RASA3: variants seen among roughly 807,000 people sequenced by gnomAD.
RASA3 encodes the protein ras GTPase-activating protein 3.
Under a neutral mutation model 110.0 loss-of-function variants are expected in RASA3, and 73 were observed. The observed-to-expected ratio is 0.66, with a 90% confidence interval of 0.55 to 0.81. The LOEUF (loss-of-function observed/expected upper bound fraction) is 0.81, where lower values mean the gene tolerates loss of function less well. RASA3 is among the 30% of genes least tolerant of loss of function. RASA3 has a pLI of 0.00. For synonymous variants in RASA3, 500 were observed against 451.4 expected (o/e 1.11, Z -1.37); for missense variants, 976 against 1,113.2 (o/e 0.88, Z 1.75).
At chr13:114,047,734 C>T (rs1264398633) in intron 3 of RASA3, among the ~76,000 whole-genome samples, 1 of 152,216 alleles carries the variant, frequency 6.6e-6, no homozygotes, top group African/African-American at 2.4e-5. Flanking sequence ...CTCACAGCCG[C>T]ACAGCGCGGG....
At chr13:113,996,765 A>G in intron 20 of RASA3, 26 bp from the exon 21 acceptor site, 1 of 1,595,834 alleles carries the variant, frequency 6.3e-7, no homozygotes, top group Non-Finnish European at 8.6e-7. Context: ...GGCTCAGGAC[A>G]GCGCACATGA....
At chr13:114,074,421 G>A (rs537029627) in intron 1 of RASA3, among the ~76,000 whole-genome samples, 5 of 152,352 alleles carry the variant, frequency 3.3e-5, no homozygotes, top group African/African-American at 1.2e-4. Flanking sequence ...ATGTCCTCCA[G>A]GGTGGCCCCT....
rs767911676 is a variant in RASA3 at position 114,016,194 on chromosome 13, T to C, written c.1281+3A>G. 8 of 1,578,714 alleles carry C rather than the reference T, an allele frequency of 5.1e-6. No individual in the cohort carries two copies. In the East Asian group the frequency reaches 6.7e-5, roughly 13 times the overall value. On this transcript the variant is annotated splice_donor_region_variant and intron_variant, in intron 13 of 23. Coordinates refer to ENST00000334062, the MANE Select transcript of RASA3 (RefSeq NM_007368.4). ...CTTTGGTTGGTTCATGAACAAAACC[T>C]ACCATGTTGTTTTCAAGGTTTTCTC...
intron 20 of RASA3, among the ~76,000 whole-genome samples, chr13:113,997,186 A>G (rs542019178): frequency 5.6e-4 from 85 of 152,080 alleles, no homozygotes; most frequent in Non-Finnish European, 9.7e-4. Context: ...TCCTTCCCCA[A>G]CTGACCAGCC....
At position 114,026,016 on chromosome 13, in the gene RASA3, G is replaced by T. The variant is rs139561858; in HGVS notation, c.603+1373C>A. Among the ~76,000 whole-genome samples, 246 of 152,340 alleles carry T rather than the reference G, an allele frequency of 1.6e-3. 2 individuals carry two copies. Among genetic ancestry groups the T allele is most frequent in the African/African-American group, 5.8e-3 (242 of 41,578 alleles). On this transcript the variant is annotated intron_variant, in intron 7 of 23. Coordinates refer to ENST00000334062, the MANE Select transcript of RASA3 (RefSeq NM_007368.4). ...CGCGTCCCACACAGCAGCGGTCAGC[G>T]AGGTCCGGGCCTTCCCTGGAGCCCC...
At position 114,033,815 on chromosome 13, in the gene RASA3, C is replaced by T. The variant is rs143118099; in HGVS notation, c.373-3928G>A. On this transcript the variant is annotated intron_variant, in intron 4 of 23. Coordinates refer to ENST00000334062, the MANE Select transcript of RASA3 (RefSeq NM_007368.4). Reference sequence around the variant, plus strand: ...GTCTGGAGGTTGGGTGTGGCCTTCCCGCCCTGTGGCTGCAGCCCCAGAGCA... The same window carrying T: ...GTCTGGAGGTTGGGTGTGGCCTTCCTGCCCTGTGGCTGCAGCCCCAGAGCA... 2.3e-3 allele frequency among the ~76,000 whole-genome samples: 357 copies of T among 152,354 alleles called. 1 individual carries two copies. Among genetic ancestry groups the T allele is most frequent in the African/African-American group, 8.3e-3 (346 of 41,586 alleles).
chr13:114,013,694 G>C (rs1321632973), intron 14 of RASA3, among the ~76,000 whole-genome samples: 65 of 78,760 alleles, frequency 8.3e-4, no homozygotes, highest in Non-Finnish European at 9.5e-4. Flanking sequence ...CCCTATCTCT[G>C]TCTCTCTCTC....
chr13:113,992,008 CAT>C (rs989589619), intron 22 of RASA3, among the ~76,000 whole-genome samples: 7 of 152,092 alleles, frequency 4.6e-5, no homozygotes, highest in African/African-American at 7.2e-5. Flanking sequence ...CATGCTCACA[CAT>C]GTCCACATTC....
chr13:114,130,952 C>T (rs2080510462), intron 1 of RASA3, among the ~76,000 whole-genome samples: 1 of 152,254 alleles, frequency 6.6e-6, no homozygotes, highest in Non-Finnish European at 1.5e-5. Context: ...CGCGACCTTT[C>T]CCCACCCAGG....
chr13:114,055,822 C>A (rs2079235526), intron 2 of RASA3, among the ~76,000 whole-genome samples: 1 of 151,996 alleles, frequency 6.6e-6, no homozygotes, highest in South Asian at 2.1e-4. Context: ...GCTGTCCTGG[C>A]TGCGGTGCAT....
intron 8 of RASA3, among the ~76,000 whole-genome samples, chr13:114,022,745 G>A (rs2053952595): frequency 1.3e-5 from 2 of 152,206 alleles, no homozygotes; most frequent in South Asian, 4.1e-4. Flanking sequence ...TTTAATAAGG[G>A]AAATATTTAA....
chr13:114,083,405 G>C (rs1594439455), intron 1 of RASA3, among the ~76,000 whole-genome samples: 4 of 152,360 alleles, frequency 2.6e-5, no homozygotes, highest in Middle Eastern at 3.4e-3. Context: ...CAAAGCCAGA[G>C]AGAGGAGAGC....
In RASA3 at chr13:114,117,525, G is replaced by A. The variant is rs1392561545; in HGVS notation, c.55+14910C>T. 3.4e-5 allele frequency among the ~76,000 whole-genome samples: 5 copies of A among 147,414 alleles called. 1 individual carries two copies. The highest frequency in any genetic ancestry group is 4.4e-4 in the South Asian group (2 of 4,552). On this transcript the variant is annotated intron_variant, in intron 1 of 23. Transcript: ENST00000334062. ...TGCACATCTGTGGGTGAGCATGTGC[G>A]TGAGGGGTGCACATGTGTGAGGGGA... is the stretch of plus-strand genomic sequence containing the variant.
In RASA3 at chr13:114,091,893, C is replaced by G. The variant is rs573849821; in HGVS notation, c.56-18056G>C. ...CTGTTCAGGTTCTGTTTCTTTATGG[C>G]CCCACCTTGGTAGGTTGTATGTGTC... On this transcript the variant is annotated intron_variant, in intron 1 of 23. Coordinates refer to ENST00000334062, the MANE Select transcript of RASA3 (RefSeq NM_007368.4). Among the ~76,000 whole-genome samples, 72 of 152,124 alleles carry G rather than the reference C, an allele frequency of 4.7e-4. No individual in the cohort carries two copies. In the South Asian group the frequency reaches 9.2e-3, roughly 19 times the overall value.
intron 22 of RASA3, among the ~76,000 whole-genome samples, chr13:113,984,336 C>T (rs111449092): frequency 6.8e-5 from 8 of 117,092 alleles, no homozygotes; most frequent in African/African-American, 2.3e-4. Context: ...CTCACCCATC[C>T]GTCCACCTAC....
intron 1 of RASA3, among the ~76,000 whole-genome samples, chr13:114,113,319 G>A (rs574189628): frequency 6.6e-6 from 1 of 152,338 alleles, no homozygotes; most frequent in African/African-American, 2.4e-5. Context: ...ATGCACCTGT[G>A]GCTTGAGCTC....
chr13:114,018,813 C>T lies in RASA3; in HGVS notation c.892G>A (p.Asp298Asn). Residue 298 changes from aspartate (D) to asparagine (N), a missense_variant, in exon 10 of 24, where the codon GAC becomes AAC. Physicochemically the swap from Asp to Asn is conservative, Grantham distance 23 (BLOSUM62 1). Coordinates refer to ENST00000334062, the MANE Select transcript of RASA3 (RefSeq NM_007368.4). ...VYTEDHVFSS[D>N]YYSPLRDLLL... ...AGGTCCCGCAGAGGGCTGTAATAGT[C>T]AGAAGAAAACACGTGGTCTTCCGTG... The T allele has an allele frequency of 1.2e-6, 2 of 1,613,696 alleles. No individual in the cohort carries two copies. Among genetic ancestry groups the T allele is most frequent in the Non-Finnish European group, 1.7e-6 (2 of 1,179,950 alleles).
chr13:114,000,776 G>A (rs2053376060), intron 19 of RASA3, 50 bp downstream of exon 19: 4 of 1,356,902 alleles, frequency 2.9e-6, no homozygotes, highest in Non-Finnish European at 4.2e-6. Flanking sequence ...CTCAGTCCCA[G>A]GGCCCAGCAC....
chr13:113,999,393 G>A (rs1287703277), intron 20 of RASA3, among the ~76,000 whole-genome samples, 192 bp downstream of exon 20: 1 of 152,058 alleles, frequency 6.6e-6, no homozygotes, highest in African/African-American at 2.4e-5. Flanking sequence ...CAGAGAGTGT[G>A]GCTGCTTTGA....
Sources: allele counts gnomAD v4.1 joint callset (sites outside exome capture counted in the v4.1 genomes callset), GRCh38; gene constraint gnomAD v4.1.1; transcripts MANE v1.5; gene names NCBI Gene and HGNC (gene_info 2026-07-23, HGNC 2026-07-21).